The following TMPRSS9 variants were observed in gnomAD, a reference collection of about 807,000 sequenced individuals.
The protein encoded by TMPRSS9 is transmembrane protease serine 9.
A neutral mutation model predicts 111.4 loss-of-function variants in TMPRSS9; 113 were observed. The observed-to-expected ratio is 1.01, with a 90% CI of 0.87 to 1.19. TMPRSS9 has a LOEUF of 1.19. Ranked by LOEUF, TMPRSS9 falls within the 50% of genes most tolerant of loss-of-function variation. The probability of loss-of-function intolerance (pLI) is 0.00; values close to 1 mark genes in which losing one functional copy is unlikely to be tolerated. For synonymous variants in TMPRSS9, 805 were observed against 659.1 expected (o/e 1.22, Z -3.39); for missense variants, 1,803 against 1,513.1 (o/e 1.19, Z -3.18).
At chr19:2,379,493 C>A (rs1970364241) in intron 1 of TMPRSS9, among the ~76,000 whole-genome samples, 1 of 151,730 alleles carries the variant, frequency 6.6e-6, no homozygotes, top group African/African-American at 2.4e-5. Flanking sequence ...CAAGCCTGAG[C>A]TTCTGAGTGT....
rs1009776104 is a variant in TMPRSS9 at position 2,390,387 on chromosome 19, G to T, written c.142+460G>T. On this transcript the variant is annotated intron_variant, in intron 1 of 17. Transcript: ENST00000648592. ...CCTCCCCGAGTAGCTGGGACTACAG[G>T]CGCCCGCCACCACCCCCGGCTAATT... is the stretch of plus-strand genomic sequence containing the variant. Among the ~76,000 whole-genome samples, 7 of 150,410 alleles carry T rather than the reference G, an allele frequency of 4.7e-5. No homozygotes were observed. The East Asian group carries it at 1.4e-3, about 30-fold the overall frequency.
At chr19:2,381,441 G>A (rs1282595930) in intron 1 of TMPRSS9, among the ~76,000 whole-genome samples, 2 of 151,932 alleles carry the variant, frequency 1.3e-5, no homozygotes, top group Admixed American at 6.6e-5. Flanking sequence ...GTGAATCTCG[G>A]TGTCTTTTGT....
chr19:2,400,116 A>T, intron 4 of TMPRSS9, among the ~76,000 whole-genome samples: 1 of 152,266 alleles, frequency 6.6e-6, no homozygotes, highest in East Asian at 1.9e-4. Context: ...CAGACAATAC[A>T]TAAATGAATA....
At chr19:2,423,501 G>A (rs928976210) in intron 14 of TMPRSS9, among the ~76,000 whole-genome samples, 40 of 147,892 alleles carry the variant, frequency 2.7e-4, no homozygotes, top group Admixed American at 2.6e-3. Flanking sequence ...AGCCAGCTGG[G>A]TGGTGATAGA....
chr19:2,370,773 C>T (rs956068702), intron 1 of TMPRSS9, among the ~76,000 whole-genome samples: 5 of 151,980 alleles, frequency 3.3e-5, no homozygotes, highest in African/African-American at 9.7e-5. Context: ...GACTGGACAA[C>T]ATTGCAAGAC....
At chr19:2,368,823 C>A (rs1230048431) in intron 1 of TMPRSS9, among the ~76,000 whole-genome samples, 11 of 115,546 alleles carry the variant, frequency 9.5e-5, no homozygotes, top group Non-Finnish European at 1.9e-4. Flanking sequence ...CTCACTCTGT[C>A]GCCCAGGCTG....
At chr19:2,422,241 C>T in exon 14 of TMPRSS9, 1 of 1,506,746 alleles carries the variant, frequency 6.6e-7, no homozygotes, top group Middle Eastern at 1.8e-4. Context: ...ACACACCCAG[C>T]TACCAGGTAC....
intron 1 of TMPRSS9, among the ~76,000 whole-genome samples, chr19:2,390,277 G>C (rs1358209804): frequency 2.4e-5 from 2 of 83,570 alleles, no homozygotes; most frequent in African/African-American, 8.8e-5. Context: ...GTCTCTCTCT[G>C]TCGCCCAGGC....
intron 8 of TMPRSS9, 120 bp downstream of exon 9, chr19:2,408,750 G>A: frequency 7.4e-7 from 1 of 1,345,508 alleles, no homozygotes; most frequent in Non-Finnish European, 1.0e-6. Flanking sequence ...GCCGAGGCGG[G>A]TGGATCACGA....
chr19:2,400,412 C>T (rs894916206), intron 4 of TMPRSS9, among the ~76,000 whole-genome samples: 1 of 151,970 alleles, frequency 6.6e-6, no homozygotes, highest in East Asian at 1.9e-4. Context: ...TGTGGTGGCA[C>T]GTGCCTGTAA....
intron 1 of TMPRSS9, among the ~76,000 whole-genome samples, chr19:2,377,307 ATG>A (rs137953669): frequency 0.1 from 14,426 of 143,930 alleles, 1,505 homozygotes; most frequent in African/African-American, 0.27. Context: ...GTATGTATGT[ATG>A]TATGTATTTG....
chr19:2,379,159 G>C (rs1339081970), intron 1 of TMPRSS9, among the ~76,000 whole-genome samples: 1 of 147,844 alleles, frequency 6.8e-6, no homozygotes, highest in Admixed American at 6.8e-5. Flanking sequence ...TGTGTCCTAA[G>C]ACAAAGCCTG....
chr19:2,413,715 C>T (rs1176526327), exon 10 of TMPRSS9: 6 of 1,610,012 alleles, frequency 3.7e-6, no homozygotes, highest in Non-Finnish European at 4.2e-6. Context: ...CTCAGGAGGA[C>T]CCCTGGTCTG....
chr19:2,413,542 G>A (rs1971144178), intron 9 of TMPRSS9, among the ~76,000 whole-genome samples, 158 bp from the exon 11 acceptor site: 1 of 152,190 alleles, frequency 6.6e-6, no homozygotes, highest in Non-Finnish European at 1.5e-5. Context: ...AGAGGAAACA[G>A]GTTCTGAGAT....
chr19:2,424,936 CACCACA>C, intron 15 of TMPRSS9, 60 bp from the exon 17 acceptor site: 1 of 1,367,246 alleles, frequency 7.3e-7, no homozygotes. Flanking sequence ...CGCTGGGGGA[CACCACA>C]GGGGCGGGGG....
intron 1 of TMPRSS9, among the ~76,000 whole-genome samples, chr19:2,375,802 C>T (rs994075437): frequency 6.6e-6 from 1 of 152,122 alleles, no homozygotes. Flanking sequence ...AAAACACATA[C>T]CCTAGAAAAT....
intron 6 of TMPRSS9, among the ~76,000 whole-genome samples, chr19:2,404,303 C>T (rs1355192840): frequency 6.6e-6 from 1 of 151,688 alleles, no homozygotes; most frequent in African/African-American, 2.4e-5. Context: ...CATTGTCTGT[C>T]TAAAATAAAT....
At chr19:2,371,902 G>A (rs370521542) in intron 1 of TMPRSS9, among the ~76,000 whole-genome samples, 4 of 152,284 alleles carry the variant, frequency 2.6e-5, no homozygotes, top group African/African-American at 9.6e-5. Context: ...TTGGGCTGGA[G>A]GCTGGTCGAG....
chr19:2,414,578 G>T (rs1270866225), intron 10 of TMPRSS9, among the ~76,000 whole-genome samples: 1 of 147,216 alleles, frequency 6.8e-6, no homozygotes, highest in Non-Finnish European at 1.5e-5. Context: ...TTTGTACCCA[G>T]ACAACTTGTA....
Sources: gnomAD v4.1 joint callset for allele counts (sites outside exome capture counted in the v4.1 genomes callset) on GRCh38, gnomAD v4.1.1 for gene constraint, MANE v1.5 for transcripts, NCBI Gene and HGNC (gene_info 2026-07-23, HGNC 2026-07-21) for gene names.